Variants in NAALADL2 observed in about 807,000 individuals in gnomAD.
NAALADL2 encodes the protein inactive N-acetylated-alpha-linked acidic dipeptidase-like protein 2.
Under a neutral mutation model 87.2 loss-of-function variants are expected in NAALADL2, and 76 were observed. That is an observed-to-expected ratio of 0.87 (90% CI 0.72 to 1.05). NAALADL2 has a LOEUF of 1.05. Among genes scored for constraint, NAALADL2 ranks in the 50% least tolerant of loss-of-function variants. NAALADL2 has a pLI of 0.00. For missense variants in NAALADL2, 1,089 were observed against 945.8 expected, an observed-to-expected ratio of 1.15 and a Z score of -1.99; for synonymous variants, 354 against 331.0, an observed-to-expected ratio of 1.07 and a Z score of -0.75.
chr3:174,841,244 A>G (rs1413906874), intron 3 of NAALADL2, among the ~76,000 whole-genome samples: 1 of 152,142 alleles, frequency 6.6e-6, no homozygotes, highest in Non-Finnish European at 1.5e-5. Flanking sequence ...TGTTAATTAT[A>G]AGTTATTGTA....
chr3:174,715,429 T>C (rs1731088495), intron 2 of NAALADL2, among the ~76,000 whole-genome samples: 1 of 152,168 alleles, frequency 6.6e-6, no homozygotes, highest in Non-Finnish European at 1.5e-5. Flanking sequence ...AGCCCAGGAT[T>C]CATTTCTTAA....
chr3:174,614,226 G>A (rs1307675039), intron 2 of NAALADL2, among the ~76,000 whole-genome samples: 1 of 152,090 alleles, frequency 6.6e-6, no homozygotes, highest in Admixed American at 6.5e-5. Context: ...CCTGTTTACT[G>A]GCTCTGAGCC....
chr3:174,931,730 G>A (rs772386555), intron 1 of NAALADL2, among the ~76,000 whole-genome samples: 1 of 152,122 alleles, frequency 6.6e-6, no homozygotes, highest in South Asian at 2.1e-4. Context: ...AAGTGTCTGG[G>A]ATGACATGAG....
At chr3:175,451,887 G>T (rs1354931799) in intron 6 of NAALADL2, among the ~76,000 whole-genome samples, 1 of 151,868 alleles carries the variant, frequency 6.6e-6, no homozygotes, top group Non-Finnish European at 1.5e-5. Context: ...CGATCATCTT[G>T]TTTATAATTT....
At chr3:175,541,483 T>G (rs1712326969) in intron 9 of NAALADL2, among the ~76,000 whole-genome samples, 1 of 152,220 alleles carries the variant, frequency 6.6e-6, no homozygotes, top group South Asian at 2.1e-4. Context: ...GAATATCTCA[T>G]GTAATTTATT....
chr3:175,393,896 G>A (rs933281462), intron 5 of NAALADL2, among the ~76,000 whole-genome samples: 2 of 152,142 alleles, frequency 1.3e-5, no homozygotes, highest in East Asian at 1.9e-4. Context: ...TTTTGGAGAT[G>A]AATTTAAGCC....
chr3:175,027,215 C>T (rs1752323442), intron 1 of NAALADL2, among the ~76,000 whole-genome samples: 1 of 152,052 alleles, frequency 6.6e-6, no homozygotes, highest in Non-Finnish European at 1.5e-5. Context: ...CAGATCATAG[C>T]AGGTGCAGAT....
At chr3:175,723,197 C>T (rs17354942) in intron 11 of NAALADL2, among the ~76,000 whole-genome samples, 14,702 of 152,134 alleles carry the variant, frequency 0.097, 914 homozygotes, top group Non-Finnish European at 0.14. Flanking sequence ...TGGCTAAAAT[C>T]CACTTCAGGT....
intron 2 of NAALADL2, among the ~76,000 whole-genome samples, chr3:174,612,844 T>A (rs956715860): frequency 6.6e-6 from 1 of 152,180 alleles, no homozygotes; most frequent in Non-Finnish European, 1.5e-5. Flanking sequence ...ATGATCATGA[T>A]ACTTTTAAAT....
At chr3:174,750,632 C>T (rs749747388) in intron 3 of NAALADL2, among the ~76,000 whole-genome samples, 10 of 152,060 alleles carry the variant, frequency 6.6e-5, no homozygotes, top group Non-Finnish European at 1.5e-4. Flanking sequence ...CAGGGTTTCA[C>T]CATGTTGGCC....
chr3:174,707,906 A>G (rs1730252716), intron 2 of NAALADL2, among the ~76,000 whole-genome samples: 1 of 152,174 alleles, frequency 6.6e-6, no homozygotes, highest in Non-Finnish European at 1.5e-5. Context: ...AGGGAATATG[A>G]AAAAGTATGT....
At chr3:175,051,920 G>T (rs557538664) in intron 1 of NAALADL2, among the ~76,000 whole-genome samples, 1 of 152,212 alleles carries the variant, frequency 6.6e-6, no homozygotes, top group Non-Finnish European at 1.5e-5. Flanking sequence ...GACCAGCTCG[G>T]CTGGGGAGAC....
chr3:174,787,736 T>G (rs2109187013), intron 3 of NAALADL2, among the ~76,000 whole-genome samples: 1 of 150,228 alleles, frequency 6.7e-6, no homozygotes, highest in South Asian at 2.1e-4. Flanking sequence ...TTCTGGGTTT[T>G]TATAAATTTG....
intron 2 of NAALADL2, among the ~76,000 whole-genome samples, chr3:174,603,887 T>C (rs1360906962): frequency 6.6e-6 from 1 of 152,144 alleles, no homozygotes; most frequent in Non-Finnish European, 1.5e-5. Flanking sequence ...TTCCTTTTGT[T>C]ATTCATTTCT....
At chr3:175,225,122 T>C (rs1743967739) in intron 2 of NAALADL2, among the ~76,000 whole-genome samples, 1 of 152,194 alleles carries the variant, frequency 6.6e-6, no homozygotes, top group Admixed American at 6.6e-5. Flanking sequence ...GACATAATCA[T>C]TATAATTTAT....
At chr3:174,605,337 C>A (rs1330585132) in intron 2 of NAALADL2, among the ~76,000 whole-genome samples, 12 of 152,128 alleles carry the variant, frequency 7.9e-5, no homozygotes. Flanking sequence ...GTGCAGCGCA[C>A]CGTGCGCAAG....
At chr3:174,710,230 C>CTTTTTTTTTTTTTTTTTTTTTTTTT (rs57899491) in intron 2 of NAALADL2, among the ~76,000 whole-genome samples, 3 of 136,350 alleles carry the variant, frequency 2.2e-5, no homozygotes, top group Non-Finnish European at 1.6e-5. Context: ...TATGAGCCTC[C>CTTTTTTTTTTTTTTTTTTTTTTTTT]TTTTTTTTTT....
chr3:175,189,158 T>C lies in NAALADL2; in HGVS notation c.546-44773T>C, dbSNP rs555561729. 6.7e-4 allele frequency among the ~76,000 whole-genome samples: 102 copies of C among 152,256 alleles called. 1 individual carries two copies. The highest frequency in any genetic ancestry group is 6.2e-3 in the South Asian group (30 of 4,816). ...TTAATGGGGATAAACTGAAAGCCCT[T>C]CTATTAAGATCAAGTACCAAGCAAA... On this transcript the variant is annotated intron_variant, in intron 2 of 13. Transcript: ENST00000454872.
chr3:175,591,782 GTGTATATATATA>G (rs1393121927), intron 10 of NAALADL2, among the ~76,000 whole-genome samples: 3 of 20,524 alleles, frequency 1.5e-4, no homozygotes, highest in Non-Finnish European at 3.2e-4. Context: ...GTGTGTGTGT[GTGTATATATATA>G]TATATATATA....
Sources: allele counts gnomAD v4.1 joint callset (sites outside exome capture counted in the v4.1 genomes callset), GRCh38; gene constraint gnomAD v4.1.1; transcripts MANE v1.5; gene names NCBI Gene and HGNC (gene_info 2026-07-23, HGNC 2026-07-21).